COL27A1: variants seen among roughly 807,000 people sequenced by gnomAD.
COL27A1 encodes the protein collagen type XXVII alpha 1 chain.
A neutral mutation model predicts 251.3 loss-of-function variants in COL27A1; 106 were observed. The ratio of observed to expected loss-of-function variants is 0.42; its 90% confidence interval spans 0.36 to 0.50. The LOEUF (loss-of-function observed/expected upper bound fraction) is 0.50. COL27A1 is among the 20% of genes least tolerant of loss of function. The pLI is 0.00. For missense variants in COL27A1, 2,325 were observed against 2,522.8 expected, an observed-to-expected ratio of 0.92 and a Z score of 1.68; for synonymous variants, 1,000 against 986.3, an observed-to-expected ratio of 1.01 and a Z score of -0.26.
chr9:114,166,394 TCCACCCAC>T, intron 2 of COL27A1, among the ~76,000 whole-genome samples: 1 of 149,844 alleles, frequency 6.7e-6, no homozygotes, highest in African/African-American at 2.5e-5. Context: ...CATCCATCCA[TCCACCCAC>T]CCACCTATCC....
Position 114,168,954 on chromosome 9 carries a change from C to T in COL27A1, c.1399C>T (p.His467Tyr). Residue 467 changes from histidine to tyrosine, a missense_variant, in exon 3 of 61, where the codon CAT becomes TAT. By Grantham distance (83) the His-to-Tyr change is moderately conservative. This residue lies in a region of COL27A1 where 1,183 missense variants were observed against 1,144.1 expected (regional missense o/e 1.03). Coordinates refer to ENST00000356083, the MANE Select transcript of COL27A1 (RefSeq NM_032888.4). ...TCGGACTGAGGCCAAGATAACCAGCCATGCCAGTAAGCCGGCCTCTGCCCG... is the reference window on the plus strand; with the variant it reads ...TCGGACTGAGGCCAAGATAACCAGCTATGCCAGTAAGCCGGCCTCTGCCCG... ...LARTEAKITSHASKPASARTS... is the reference protein window; with the variant it reads ...LARTEAKITSYASKPASARTS... 6.2e-7 allele frequency: 1 copy of T among 1,614,170 alleles called. No individual in the cohort carries two copies. The highest frequency in any genetic ancestry group is 8.5e-7 in the Non-Finnish European group (1 of 1,180,042).
intron 12 of COL27A1, 94 bp downstream of exon 12, chr9:114,211,120 T>G (rs1249727925): frequency 7.7e-7 from 1 of 1,292,312 alleles, no homozygotes; most frequent in East Asian, 2.3e-5. Flanking sequence ...TGGCATCTTC[T>G]GCTTCTCCCC....
At chr9:114,188,965 C>T (rs902432169) in intron 5 of COL27A1, among the ~76,000 whole-genome samples, 8 of 152,008 alleles carry the variant, frequency 5.3e-5, no homozygotes, top group African/African-American at 7.2e-5. Flanking sequence ...CTTCATCCAC[C>T]TTACAAATAT....
At chr9:114,292,924 AAAAATAGATCTTC>A (rs1267453585) in intron 49 of COL27A1, among the ~76,000 whole-genome samples, 3 of 152,232 alleles carry the variant, frequency 2.0e-5, no homozygotes, top group Non-Finnish European at 4.4e-5. Flanking sequence ...TTATGCACCT[AAAAATAGATCTTC>A]AAAATAATCA....
intron 7 of COL27A1, among the ~76,000 whole-genome samples, chr9:114,203,721 C>T (rs1829731552): frequency 6.6e-6 from 1 of 152,124 alleles, no homozygotes; most frequent in Admixed American, 6.5e-5. Flanking sequence ...AAAGAGTCCC[C>T]ACTTCCTGGG....
At chr9:114,298,853 G>A (rs1228862895) in intron 49 of COL27A1, among the ~76,000 whole-genome samples, 2 of 152,156 alleles carry the variant, frequency 1.3e-5, no homozygotes, top group Non-Finnish European at 2.9e-5. Context: ...ACTCACAGTA[G>A]GGGAGAAAGT....
intron 49 of COL27A1, among the ~76,000 whole-genome samples, chr9:114,293,701 A>G (rs953915857): frequency 2.6e-5 from 4 of 152,234 alleles, no homozygotes; most frequent in Non-Finnish European, 5.9e-5. Flanking sequence ...CACTACAGAT[A>G]TGACAGAAAT....
In COL27A1 at chr9:114,240,280, A is replaced by T. The variant is rs1832668477; in HGVS notation, c.2781+7A>T. ...TGGCCCAGAAGGCATGAAGGTGAGT[A>T]CCTGCCCAGGGCAGCTCCAGTTGGA... On this transcript the variant is annotated splice_region_variant and intron_variant, in intron 20 of 60. Coordinates refer to ENST00000356083, the MANE Select transcript of COL27A1 (RefSeq NM_032888.4). 1 of 1,596,502 alleles carries T rather than the reference A, an allele frequency of 6.3e-7. No homozygotes were observed. The highest frequency in any genetic ancestry group is 8.5e-7 in the Non-Finnish European group (1 of 1,171,264).
chr9:114,180,633 C>T (rs1359301089), intron 4 of COL27A1, among the ~76,000 whole-genome samples: 2 of 152,190 alleles, frequency 1.3e-5, no homozygotes, highest in Non-Finnish European at 2.9e-5. Flanking sequence ...TAAGGAGGGG[C>T]ATTCTTACCT....
Position 114,290,740 on chromosome 9 carries a change from G to T in COL27A1, c.4369-70G>T, listed in dbSNP as rs921248768. ...AGCTTCACCCAGGGTTTGCCCAGGC[G>T]TTGAGCCATCTGCTTCCTTGGCTGT... is the stretch of plus-strand genomic sequence containing the variant. On this transcript the variant is annotated intron_variant, in intron 47 of 60. Coordinates refer to ENST00000356083, the MANE Select transcript of COL27A1 (RefSeq NM_032888.4). This position sits in a 1 kb window ranked among gnomAD's most constrained non-coding sequence, Gnocchi z 4.6. 1 of 1,225,738 alleles carries T rather than the reference G, an allele frequency of 8.2e-7. No homozygotes were observed. Among genetic ancestry groups the T allele is most frequent in the Non-Finnish European group, 1.1e-6 (1 of 878,044 alleles). 75.9% of individuals were successfully genotyped at this position (1,225,738 alleles called of 1,614,324 possible).
chr9:114,240,393 G>A, intron 20 of COL27A1, 41 bp from the exon 21 acceptor site: 1 of 1,607,544 alleles, frequency 6.2e-7, no homozygotes, highest in Non-Finnish European at 8.5e-7. Flanking sequence ...GGAGATGGAG[G>A]TACCGCCTCT....
chr9:114,285,455 C>A (rs1827402324), intron 41 of COL27A1, among the ~76,000 whole-genome samples: 1 of 152,148 alleles, frequency 6.6e-6, no homozygotes, highest in Non-Finnish European at 1.5e-5. Flanking sequence ...TGTCTAAGTC[C>A]TACCTTCGTC....
chr9:114,248,577 C>G (rs938038990), intron 24 of COL27A1, among the ~76,000 whole-genome samples: 1 of 152,214 alleles, frequency 6.6e-6, no homozygotes, highest in African/African-American at 2.4e-5. Flanking sequence ...CGCAGCTTTC[C>G]AAGCTGCTTC....
At chr9:114,157,624 T>C (rs1480011650) in intron 1 of COL27A1, among the ~76,000 whole-genome samples, 1 of 152,230 alleles carries the variant, frequency 6.6e-6, no homozygotes, top group Non-Finnish European at 1.5e-5. Context: ...AGGGACCCTC[T>C]TGATACCCAC....
intron 38 of COL27A1, 43 bp downstream of exon 38, chr9:114,282,373 C>A (rs757859284): frequency 1.2e-6 from 2 of 1,611,710 alleles, no homozygotes; most frequent in Non-Finnish European, 8.5e-7. Context: ...GTCCCTCCCC[C>A]GCATCCCTTC....
intron 7 of COL27A1, 123 bp downstream of exon 7, chr9:114,196,135 G>A (rs1380624077): frequency 1.2e-6 from 1 of 835,822 alleles, no homozygotes. Flanking sequence ...CCTGGGCACA[G>A]GGTACATGGG....
At chr9:114,156,759 G>A (rs1399565197) in intron 1 of COL27A1, among the ~76,000 whole-genome samples, 1 of 152,172 alleles carries the variant, frequency 6.6e-6, no homozygotes, top group Non-Finnish European at 1.5e-5. Flanking sequence ...GCGGAGCTGG[G>A]GCCCAGAGGC....
At chr9:114,167,068 T>C (rs1399902436) in intron 2 of COL27A1, among the ~76,000 whole-genome samples, 1 of 152,190 alleles carries the variant, frequency 6.6e-6, no homozygotes, top group Non-Finnish European at 1.5e-5. Flanking sequence ...GTCAGACCCC[T>C]AGGACATCTT....
chr9:114,295,803 G>A lies in COL27A1; in HGVS notation c.4584+3593G>A, dbSNP rs369525572. 8.5e-5 allele frequency among the ~76,000 whole-genome samples: 13 copies of A among 152,192 alleles called. No homozygotes were observed. The South Asian group carries it at 1.7e-3, about 19-fold the overall frequency. On this transcript the variant is annotated intron_variant, in intron 49 of 60. Transcript: ENST00000356083. Reference sequence around the variant, plus strand: ...CTCCCCAGTAGCTGGGATGCACCACGATGCCCGGCTAATTTTGTATTTTTA... The same window carrying A: ...CTCCCCAGTAGCTGGGATGCACCACAATGCCCGGCTAATTTTGTATTTTTA...
Sources: gnomAD v4.1 joint callset for allele counts (sites outside exome capture counted in the v4.1 genomes callset) on GRCh38, gnomAD v4.1.1 for gene constraint, gnomAD v4.1.1 regional missense constraint, Gnocchi (gnomAD v3.1) non-coding constraint, MANE v1.5 for transcripts, NCBI Gene and HGNC (gene_info 2026-07-23, HGNC 2026-07-21) for gene names.